Variants in CACNA1C observed in about 807,000 individuals in gnomAD.
CACNA1C encodes the protein voltage-dependent L-type calcium channel subunit alpha-1C.
CACNA1C carries 30 observed loss-of-function variants against 229.0 expected under a neutral mutation model. That is an observed-to-expected ratio of 0.13 (90% confidence interval 0.10 to 0.18). The LOEUF is 0.18. Among genes scored for constraint, CACNA1C ranks in the 10% least tolerant of loss-of-function variants. CACNA1C has a pLI of 1.00. For synonymous variants in CACNA1C, 1,114 were observed against 1,132.5 expected (o/e 0.98, Z 0.33); for missense variants, 1,658 against 2,845.0 (o/e 0.58, Z 9.49).
chr12:2,605,966 G>A lies in CACNA1C; in HGVS notation c.3156+180G>A, dbSNP rs1388943154. On this transcript the variant is annotated intron_variant, in intron 24 of 46. Coordinates refer to ENST00000399655, the MANE Select transcript of CACNA1C (RefSeq NM_000719.7). This position sits in a 1 kb window ranked among gnomAD's most constrained non-coding sequence, Gnocchi z 6.2. Reference sequence around the variant, plus strand: ...CAGGGTAGGGAGGCGCTAGAAGGAGGCATCGGGCCACCAGGCCAGAGGCCC... The same window carrying A: ...CAGGGTAGGGAGGCGCTAGAAGGAGACATCGGGCCACCAGGCCAGAGGCCC... 6.6e-6 allele frequency among the ~76,000 whole-genome samples: 1 copy of A among 152,220 alleles called. No individual in the cohort carries two copies. The highest frequency in any genetic ancestry group is 2.4e-5 in the African/African-American group (1 of 41,452).
intron 5 of CACNA1C, among the ~76,000 whole-genome samples, chr12:2,470,959 G>GT (rs1206087736): frequency 6.6e-6 from 1 of 151,940 alleles, no homozygotes; most frequent in African/African-American, 2.4e-5. Context: ...CATCTTCCAA[G>GT]TAGCTGGGAT....
rs533613427 is a variant in CACNA1C, at chr12:2,390,236, A to G, written c.478-58740A>G. On this transcript the variant is annotated intron_variant, in intron 3 of 46. Transcript: ENST00000399655. ...GAGATGCCAAAGGGGGCCCTGACCAAACAGGACTTGGGAACCCAGGTATGA... is the reference window on the plus strand; with the variant it reads ...GAGATGCCAAAGGGGGCCCTGACCAGACAGGACTTGGGAACCCAGGTATGA... 3.5e-3 allele frequency among the ~76,000 whole-genome samples: 540 copies of G among 152,214 alleles called. 14 individuals are homozygous for G. The highest frequency in any genetic ancestry group is 1.6e-3 in the Non-Finnish European group (110 of 68,004).
intron 1 of CACNA1C, among the ~76,000 whole-genome samples, chr12:2,082,558 C>T (rs749981392): frequency 3.3e-5 from 5 of 152,192 alleles, no homozygotes; most frequent in Non-Finnish European, 7.3e-5. Flanking sequence ...CAGGGGCCCT[C>T]TCTCCTGCCT....
chr12:2,177,592 CCTTCCTTCCTTCCTT>C (rs2096697539), intron 3 of CACNA1C, among the ~76,000 whole-genome samples: 2,157 of 71,854 alleles, frequency 0.03, 105 homozygotes, highest in African/African-American at 0.098. Context: ...TCCCTCCCTT[CCTTCCTTCCTTCCTT>C]CCTTCCTTCC....
chr12:1,984,367 CT>C (rs2037036421), intron 1 of CACNA1C, among the ~76,000 whole-genome samples: 1 of 151,946 alleles, frequency 6.6e-6, no homozygotes, highest in African/African-American at 2.4e-5. Flanking sequence ...TATTTTATCT[CT>C]TGGTGATATC....
chr12:2,406,531 T>C (rs2098739200), intron 3 of CACNA1C, among the ~76,000 whole-genome samples: 1 of 152,234 alleles, frequency 6.6e-6, no homozygotes, highest in Non-Finnish European at 1.5e-5. Context: ...TTGTCTATAA[T>C]CTACTATTGA....
chr12:1,973,385 A>G (rs1157789859), intron 1 of CACNA1C, among the ~76,000 whole-genome samples: 2 of 152,234 alleles, frequency 1.3e-5, no homozygotes, highest in Admixed American at 6.5e-5. Context: ...TAATGTTATT[A>G]GAAAGTTAAT....
intron 1 of CACNA1C, among the ~76,000 whole-genome samples, chr12:2,083,746 C>T (rs975083494): frequency 6.6e-6 from 1 of 152,120 alleles, no homozygotes; most frequent in African/African-American, 2.4e-5. Context: ...ATTTCAGTGC[C>T]AAGAACCACA....
Position 2,588,233 on chromosome 12 carries a change from A to T in CACNA1C, c.2530+2329A>T, listed in dbSNP as rs570049263. On this transcript the variant is annotated intron_variant, in intron 18 of 46. Transcript: ENST00000399655. ...CGAACCACGAATGGCAAAGATCCTGATCTACCATTGTGCTCCCAACCGCTG... is the reference window on the plus strand; with the variant it reads ...CGAACCACGAATGGCAAAGATCCTGTTCTACCATTGTGCTCCCAACCGCTG... Among the ~76,000 whole-genome samples, 35 of 152,328 alleles carry T rather than the reference A, an allele frequency of 2.3e-4. No homozygotes were observed. The South Asian group carries it at 7.0e-3, about 31-fold the overall frequency.
rs758268349 is a variant in CACNA1C, at chr12:2,679,462, G to A, written c.5110G>A (p.Gly1704Ser). 9 of 1,577,976 alleles carry A rather than the reference G, an allele frequency of 5.7e-6. No individual in the cohort carries two copies. The highest frequency in any genetic ancestry group is 2.3e-5 in the East Asian group (1 of 43,826). Residue 1704 changes from glycine to serine, a missense_variant, in exon 42 of 47, where the codon GGC becomes AGC. Gly to Ser is a moderately conservative substitution (Grantham distance 56, BLOSUM62 0). Coordinates refer to ENST00000399655, the MANE Select transcript of CACNA1C (RefSeq NM_000719.7). The surrounding 1 kb of genome is among the most constrained non-coding windows in gnomAD (Gnocchi z 5.5). ...CCTACAGAGGGCCGGTGGCCTGTTC[G>A]GCAACCACGTCAGCTACTACCAAAG... ...DIFRRAGGLF[G>S]NHVSYYQSDG...
chr12:2,512,853 A>C lies in CACNA1C; in HGVS notation c.1259A>C (p.Asp420Ala). 1 of 1,613,306 alleles carries C rather than the reference A, an allele frequency of 6.2e-7. No homozygotes were observed. The highest frequency in any genetic ancestry group is 8.5e-7 in the Non-Finnish European group (1 of 1,179,660). Residue 420 changes from aspartate to alanine, a missense_variant, in exon 9 of 47, where the codon GAT becomes GCT. Coordinates refer to ENST00000399655, the MANE Select transcript of CACNA1C (RefSeq NM_000719.7). This position sits in a 1 kb window ranked among gnomAD's most constrained non-coding sequence, Gnocchi z 4.3. ...KEREKAKARG[D>A]FQKLREKQQL... Reference sequence around the variant, plus strand: ...AGGGAGAAGGCCAAGGCCCGGGGAGATTTCCAGAAGCTGCGGGAGAAGCAG... The same window carrying C: ...AGGGAGAAGGCCAAGGCCCGGGGAGCTTTCCAGAAGCTGCGGGAGAAGCAG...
chr12:2,531,261 T>C (rs901085026), intron 9 of CACNA1C, among the ~76,000 whole-genome samples: 1 of 152,148 alleles, frequency 6.6e-6, no homozygotes, highest in Non-Finnish European at 1.5e-5. Flanking sequence ...CCTCTTTCTC[T>C]TTTGTCAGAG....
chr12:2,447,658 C>T (rs1371517269), intron 3 of CACNA1C, among the ~76,000 whole-genome samples: 1 of 152,176 alleles, frequency 6.6e-6, no homozygotes, highest in East Asian at 1.9e-4. Context: ...GGCCTGATGG[C>T]TCCCTGCAGA....
intron 1 of CACNA1C, chr12:2,004,523 A>T: frequency 3.3e-6 from 5 of 1,500,974 alleles, no homozygotes; most frequent in Non-Finnish European, 2.7e-6. Flanking sequence ...CCGAGAACCC[A>T]CGGCGACCAC....
At chr12:2,344,276 C>T (rs2096943122) in intron 3 of CACNA1C, among the ~76,000 whole-genome samples, 1 of 152,088 alleles carries the variant, frequency 6.6e-6, no homozygotes, top group South Asian at 2.1e-4. Flanking sequence ...AAATTGCCAG[C>T]CTGTTAAATG....
Position 2,595,601 on chromosome 12 carries a change from A to G in CACNA1C, c.2664-273A>G, listed in dbSNP as rs2153360410. ...ATAAGTCCCCAAACAAAAGCCAGTT[A>G]TGAATGTCAGAGCAGGATTTGGGAA... On this transcript the variant is annotated intron_variant, in intron 19 of 46. Coordinates refer to ENST00000399655, the MANE Select transcript of CACNA1C (RefSeq NM_000719.7). This position sits in a 1 kb window ranked among gnomAD's most constrained non-coding sequence, Gnocchi z 4.1. Among the ~76,000 whole-genome samples the G allele has an allele frequency of 6.6e-6, 1 of 152,316 alleles. No individual in the cohort carries two copies. The highest frequency in any genetic ancestry group is 2.4e-5 in the African/African-American group (1 of 41,572).
Position 2,054,303 on chromosome 12 carries a change from C to G in CACNA1C, c.49+692C>G, listed in dbSNP as rs953411531. 1.1e-4 allele frequency among the ~76,000 whole-genome samples: 17 copies of G among 152,272 alleles called. No individual in the cohort carries two copies. The highest frequency in any genetic ancestry group is 2.4e-4 in the Non-Finnish European group (16 of 68,010). On this transcript the variant is annotated intron_variant, in intron 1 of 46. Coordinates refer to ENST00000399655, the MANE Select transcript of CACNA1C (RefSeq NM_000719.7). The surrounding 1 kb of genome is among the most constrained non-coding windows in gnomAD (Gnocchi z 5.5). ...CCTCTCCACTGCTGTTGACCCCGAG[C>G]GCGCCCACGCCGCGTGTGTTCTCAT...
At chr12:2,420,303 A>G (rs1489759264) in intron 3 of CACNA1C, among the ~76,000 whole-genome samples, 1 of 152,092 alleles carries the variant, frequency 6.6e-6, no homozygotes, top group Non-Finnish European at 1.5e-5. Context: ...GTTAATTCAT[A>G]TGAGAGATTG....
chr12:2,541,780 A>G (rs941875709), intron 9 of CACNA1C, among the ~76,000 whole-genome samples: 1 of 152,216 alleles, frequency 6.6e-6, no homozygotes, highest in Non-Finnish European at 1.5e-5. Flanking sequence ...ACATCAGGAC[A>G]TTACAAAGCT....
Sources: allele counts gnomAD v4.1 joint callset (sites outside exome capture counted in the v4.1 genomes callset), GRCh38; gene constraint gnomAD v4.1.1; non-coding constraint Gnocchi (gnomAD v3.1); transcripts MANE v1.5; gene names NCBI Gene and HGNC (gene_info 2026-07-23, HGNC 2026-07-21).